The following FABP12 variants were observed in gnomAD, a reference collection of about 807,000 sequenced individuals.
FABP12 encodes the protein fatty acid binding protein 12.
FABP12 carries 19 observed loss-of-function variants against 13.7 expected under a neutral mutation model. That is an observed-to-expected ratio of 1.39 (90% CI 0.97 to 2.04). FABP12 has a LOEUF of 2.04. Among genes scored for constraint, FABP12 ranks in the 30% most tolerant of loss-of-function variants. FABP12 has a pLI of 0.00. For missense variants in FABP12, 182 were observed against 164.2 expected, an observed-to-expected ratio of 1.11 and a Z score of -0.59; for synonymous variants, 61 against 57.0, an observed-to-expected ratio of 1.07 and a Z score of -0.32.
intron 1 of FABP12, among the ~76,000 whole-genome samples, chr8:81,544,933 A>G (rs904199966): frequency 1.3e-5 from 2 of 152,202 alleles, no homozygotes; most frequent in African/African-American, 4.8e-5. Context: ...TTTTAAAATG[A>G]TATTGTGTAA....
intron 1 of FABP12, among the ~76,000 whole-genome samples, chr8:81,575,876 T>C (rs932734319): frequency 1.3e-5 from 2 of 152,270 alleles, no homozygotes; most frequent in South Asian, 2.1e-4. Flanking sequence ...TGCATGCTCC[T>C]TATGAGAATC....
chr8:81,525,947 T>C (rs1808889190), intron 4 of FABP12: 1 of 152,174 alleles, frequency 6.6e-6, no homozygotes, highest in Admixed American at 6.5e-5. Context: ...AGAGATTAAA[T>C]GAATTGTCCA....
At chr8:81,528,326 G>A (rs981960321) in intron 3 of FABP12, among the ~76,000 whole-genome samples, 3 of 152,022 alleles carry the variant, frequency 2.0e-5, no homozygotes, top group Non-Finnish European at 2.9e-5. Flanking sequence ...CAATCCTCCT[G>A]TTTTGGCCTC....
At chr8:81,585,775 T>A (rs377602394) in intron 1 of FABP12, among the ~76,000 whole-genome samples, 2 of 152,208 alleles carry the variant, frequency 1.3e-5, no homozygotes, top group Non-Finnish European at 2.9e-5. Flanking sequence ...TTGGTTTTTT[T>A]AAATAGATCA....
chr8:81,554,784 C>T (rs1485205186), intron 1 of FABP12, among the ~76,000 whole-genome samples: 3 of 152,040 alleles, frequency 2.0e-5, no homozygotes, highest in African/African-American at 7.2e-5. Flanking sequence ...TACACCAACA[C>T]TAACGATAAC....
chr8:81,529,426 C>T lies in FABP12; in HGVS notation c.246+12G>A, dbSNP rs186777465. On this transcript the variant is annotated intron_variant, in intron 3 of 4. Coordinates refer to ENST00000360464, the Ensembl canonical transcript of FABP12. Reference sequence around the variant, plus strand: ...TTTTGAAATGTGTCTGAAAGACTGTCGTAGGCCTCACCTTTGTTTTGTGGC... The same window carrying T: ...TTTTGAAATGTGTCTGAAAGACTGTTGTAGGCCTCACCTTTGTTTTGTGGC... The T allele has an allele frequency of 5.9e-5, 95 of 1,612,826 alleles. No homozygotes were observed. Among genetic ancestry groups the T allele is most frequent in the Non-Finnish European group, 7.7e-5 (91 of 1,178,868 alleles).
At chr8:81,564,328 C>T (rs1178007226) in intron 1 of FABP12, among the ~76,000 whole-genome samples, 1 of 152,058 alleles carries the variant, frequency 6.6e-6, no homozygotes, top group East Asian at 1.9e-4. Flanking sequence ...AATAAGAAAT[C>T]ATCTGAAGGT....
At chr8:81,554,647 C>T (rs1436638785) in intron 1 of FABP12, among the ~76,000 whole-genome samples, 2 of 152,160 alleles carry the variant, frequency 1.3e-5, no homozygotes, top group Non-Finnish European at 2.9e-5. Context: ...TGACTACAAT[C>T]AGCCAAGTCA....
At chr8:81,541,488 A>C (rs1809341767) in intron 1 of FABP12, among the ~76,000 whole-genome samples, 1 of 152,176 alleles carries the variant, frequency 6.6e-6, no homozygotes, top group Non-Finnish European at 1.5e-5. Flanking sequence ...CTCAATTTGC[A>C]AACTAATTCT....
At chr8:81,540,192 C>T (rs1809313364) in intron 1 of FABP12, among the ~76,000 whole-genome samples, 1 of 152,166 alleles carries the variant, frequency 6.6e-6, no homozygotes, top group African/African-American at 2.4e-5. Flanking sequence ...CATTCTTGGC[C>T]CCAGCCCCAG....
At chr8:81,529,758 A>G (rs1809013134) in intron 2 of FABP12, 148 bp from the exon 3 acceptor site, 1 of 719,356 alleles carries the variant, frequency 1.4e-6, no homozygotes, top group African/African-American at 1.8e-5. Context: ...TTGCGAATTG[A>G]ACAGATTTAA....
intron 1 of FABP12, among the ~76,000 whole-genome samples, chr8:81,580,970 C>T (rs931879699): frequency 2.0e-5 from 3 of 152,170 alleles, no homozygotes; most frequent in African/African-American, 7.2e-5. Flanking sequence ...TTGATCCAAG[C>T]TGCTTTATCC....
intron 1 of FABP12, among the ~76,000 whole-genome samples, chr8:81,585,533 C>A (rs1698947257): frequency 6.6e-6 from 1 of 152,054 alleles, no homozygotes; most frequent in Non-Finnish European, 1.5e-5. Context: ...CAGCTTTGTT[C>A]TTTTGGCTTA....
chr8:81,573,872 A>G (rs1809979316), intron 1 of FABP12, among the ~76,000 whole-genome samples: 1 of 152,078 alleles, frequency 6.6e-6, no homozygotes, highest in Non-Finnish European at 1.5e-5. Flanking sequence ...TTTGTGGTTT[A>G]CAAGGTAAAC....
intron 1 of FABP12, among the ~76,000 whole-genome samples, chr8:81,543,804 T>C (rs1218757222): frequency 6.7e-6 from 1 of 148,672 alleles, no homozygotes; most frequent in East Asian, 1.9e-4. Context: ...CAACAGGGAC[T>C]TGTGATGCTG....
At chr8:81,539,433 C>CTTTTTTTTT (rs35386904) in intron 2 of FABP12, among the ~76,000 whole-genome samples, 93 of 50,020 alleles carry the variant, frequency 1.9e-3, no homozygotes, top group Admixed American at 3.6e-3. Flanking sequence ...TTCTTTAGTT[C>CTTTTTTTTT]TTTTTTTTTT....
intron 2 of FABP12, 31 bp downstream of exon 2, chr8:81,531,212 T>C (rs758553427): frequency 2.0e-5 from 30 of 1,519,966 alleles, no homozygotes; most frequent in Non-Finnish European, 2.6e-5. Flanking sequence ...CCATTTTTAC[T>C]GGATATGATA....
At chr8:81,586,266 C>T (rs2130113429) in intron 1 of FABP12, among the ~76,000 whole-genome samples, 1 of 152,184 alleles carries the variant, frequency 6.6e-6, no homozygotes, top group East Asian at 1.9e-4. Context: ...AGGTTAATTC[C>T]AGGTCTTTGT....
At chr8:81,532,070 A>C (rs756506557) in intron 1 of FABP12, among the ~76,000 whole-genome samples, 2 of 152,120 alleles carry the variant, frequency 1.3e-5, no homozygotes, top group Non-Finnish European at 2.9e-5. Context: ...AGTCCTCTTT[A>C]ATTTAGGCTA....
Sources: gnomAD v4.1 joint callset for allele counts (sites outside exome capture counted in the v4.1 genomes callset) on GRCh38, gnomAD v4.1.1 for gene constraint, MANE v1.5 for transcripts, NCBI Gene and HGNC (gene_info 2026-07-23, HGNC 2026-07-21) for gene names.